PTK2: variants seen among roughly 807,000 people sequenced by gnomAD.
The protein encoded by PTK2 is protein tyrosine kinase 2, also known as focal adhesion kinase 1.
In PTK2, 45 loss-of-function variants were observed where a neutral mutation model predicts 150.1. That is an observed-to-expected ratio of 0.30 (90% CI 0.24 to 0.38). PTK2 has a LOEUF of 0.38. PTK2 is among the 10% of genes least tolerant of loss of function. The pLI is 1.00. For synonymous variants in PTK2, 432 were observed against 449.2 expected, an observed-to-expected ratio of 0.96 and a Z score of 0.48; for missense variants, 919 against 1,307.3, an observed-to-expected ratio of 0.70 and a Z score of 4.58.
At chr8:140,946,411 G>GT (rs2100177719) in intron 1 of PTK2, among the ~76,000 whole-genome samples, 1 of 152,158 alleles carries the variant, frequency 6.6e-6, no homozygotes, top group South Asian at 2.1e-4. Flanking sequence ...GAAAGACCAC[G>GT]TAAGAGAGAG....
rs2100013582 is a variant in PTK2, at chr8:140,676,255, AATCCCAGTT to A, written c.2563-765_2563-757del. On this transcript the variant is annotated intron_variant, in intron 27 of 31. Coordinates refer to ENST00000522684, the Ensembl canonical transcript of PTK2. ...GCTGGGCGTGGTGGTACGTGGGTGT[AATCCCAGTT>A]ACCTGGGAGGTTGAGGCAGGAGGAC... Among the ~76,000 whole-genome samples, 4 of 152,196 alleles carry A rather than the reference AATCCCAGTT, an allele frequency of 2.6e-5. No homozygotes were observed. In the East Asian group the frequency reaches 7.7e-4, roughly 29 times the overall value.
intron 14 of PTK2, 138 bp from the exon 17 acceptor site, chr8:140,764,428 T>C (rs1315011176): frequency 1.5e-6 from 1 of 674,574 alleles, no homozygotes; most frequent in Non-Finnish European, 2.5e-6. Context: ...TTACTCAAAT[T>C]TTGCTCACAC....
intron 14 of PTK2, among the ~76,000 whole-genome samples, chr8:140,768,730 AGCT>A (rs2100073849): frequency 1.3e-5 from 2 of 152,240 alleles, no homozygotes; most frequent in African/African-American, 2.4e-5. Flanking sequence ...GATGAATTGC[AGCT>A]GCTAATTGAT....
intron 17 of PTK2, among the ~76,000 whole-genome samples, chr8:140,749,959 CAATTTTTAAAATTTTCATTTTTGA>C (rs2100061726): frequency 6.6e-6 from 1 of 152,128 alleles, no homozygotes; most frequent in Non-Finnish European, 1.5e-5. Flanking sequence ...AAAAGATAAC[CAATTTTTAAAATTTTCATTTTTGA>C]AAATATAAAA....
At chr8:140,965,963 T>G (rs2100185111) in intron 1 of PTK2, among the ~76,000 whole-genome samples, 1 of 152,224 alleles carries the variant, frequency 6.6e-6, no homozygotes, top group South Asian at 2.1e-4. Flanking sequence ...ACTTAAGCAC[T>G]ATTAATTAAA....
intron 24 of PTK2, among the ~76,000 whole-genome samples, chr8:140,703,313 G>A (rs372139839): frequency 6.6e-6 from 1 of 152,132 alleles, no homozygotes; most frequent in African/African-American, 2.4e-5. Flanking sequence ...GGAGTAAGGG[G>A]ACCATGAGCC....
intron 1 of PTK2, among the ~76,000 whole-genome samples, chr8:140,981,634 C>A (rs1352105183): frequency 6.6e-6 from 1 of 152,240 alleles, no homozygotes; most frequent in African/African-American, 2.4e-5. Context: ...GAAACTAAAA[C>A]AATGTTTCAC....
chr8:140,716,345 G>A (rs1482707325), intron 23 of PTK2, among the ~76,000 whole-genome samples: 1 of 152,186 alleles, frequency 6.6e-6, no homozygotes, highest in Non-Finnish European at 1.5e-5. Flanking sequence ...CAGATGCTGG[G>A]ATGCGGGGTA....
At chr8:140,977,327 A>G (rs1373996716) in intron 1 of PTK2, among the ~76,000 whole-genome samples, 1 of 152,222 alleles carries the variant, frequency 6.6e-6, no homozygotes, top group African/African-American at 2.4e-5. Context: ...TGGGAGGTCA[A>G]GACTGCAGTG....
rs71310816 is a variant in PTK2 at position 140,989,212 on chromosome 8, TAAAAAAAAAAAAAAAA to T, written c.-122+11897_-122+11912del. On this transcript the variant is annotated intron_variant, in intron 1 of 31. Transcript: ENST00000522684. ...GGGCAACATAGGAAGACCCTGTCTC[TAAAAAAAAAAAAAAAA>T]AAAAAAAAAAAATTTAAAATTAGCC... 9.4e-4 allele frequency among the ~76,000 whole-genome samples: 57 copies of T among 60,588 alleles called. No individual in the cohort carries two copies. In the East Asian group the frequency reaches 0.026, roughly 28 times the overall value. The allele number at this position is 60,588 out of a possible 152,430, so 39.7% of individuals were successfully genotyped here. A position where few individuals can be genotyped will look rare whatever the true frequency, so the allele number is the denominator to read the frequency against.
intron 1 of PTK2, among the ~76,000 whole-genome samples, chr8:140,936,079 G>A (rs1310577767): frequency 6.6e-6 from 1 of 152,178 alleles, no homozygotes; most frequent in Non-Finnish European, 1.5e-5. Flanking sequence ...AGGAGGCTGA[G>A]ACAGGAGGAT....
intron 23 of PTK2, among the ~76,000 whole-genome samples, chr8:140,708,984 G>A (rs976557465): frequency 2.1e-4 from 25 of 119,408 alleles, no homozygotes; most frequent in African/African-American, 6.2e-4. Flanking sequence ...AAAAAAAAAA[G>A]TTACAATTTA....
chr8:140,659,386 CAG>C, exon 32 of PTK2: 1 of 1,300,340 alleles, frequency 7.7e-7, no homozygotes, highest in South Asian at 1.4e-5. Flanking sequence ...ACTGAGGACA[CAG>C]GGTTAATTCC....
chr8:140,801,416 C>T (rs1456815352), intron 11 of PTK2, among the ~76,000 whole-genome samples: 1 of 152,202 alleles, frequency 6.6e-6, no homozygotes, highest in African/African-American at 2.4e-5. Context: ...CTTTCTCATG[C>T]CACTTGTTTT....
intron 31 of PTK2, among the ~76,000 whole-genome samples, chr8:140,661,794 A>G (rs74565885): frequency 0.011 from 1,703 of 152,226 alleles, 9 homozygotes; most frequent in South Asian, 0.021. Context: ...TCTGGCAATT[A>G]GGAGACCTTG....
chr8:140,911,260 T>A (rs1234544815), intron 2 of PTK2, among the ~76,000 whole-genome samples: 1 of 152,146 alleles, frequency 6.6e-6, no homozygotes, highest in Non-Finnish European at 1.5e-5. Flanking sequence ...TATATTGTTT[T>A]ATCATACATT....
intron 1 of PTK2, among the ~76,000 whole-genome samples, chr8:140,974,866 GA>G (rs927428239): frequency 1.9e-4 from 29 of 149,360 alleles, no homozygotes; most frequent in African/African-American, 3.7e-4. Context: ...GATATTCCAG[GA>G]AAAAAAAAAT....
chr8:140,932,146 T>C (rs1462501138), intron 1 of PTK2, among the ~76,000 whole-genome samples: 1 of 152,158 alleles, frequency 6.6e-6, no homozygotes, highest in Non-Finnish European at 1.5e-5. Context: ...ACTAGAAATG[T>C]TTCTGCTCAA....
chr8:140,663,505 A>G (rs1038610166), intron 31 of PTK2, among the ~76,000 whole-genome samples: 1 of 152,180 alleles, frequency 6.6e-6, no homozygotes, highest in Non-Finnish European at 1.5e-5. Flanking sequence ...CGCATCCCAC[A>G]TGCGTTTGTC....
Sources: gnomAD v4.1 joint callset for allele counts (sites outside exome capture counted in the v4.1 genomes callset) on GRCh38, gnomAD v4.1.1 for gene constraint, MANE v1.5 for transcripts, NCBI Gene and HGNC (gene_info 2026-07-23, HGNC 2026-07-21) for gene names.